Variants in NKAIN2 observed in about 807,000 individuals in gnomAD.
The protein encoded by NKAIN2 is sodium/potassium-transporting ATPase subunit beta-1-interacting protein 2.
Under a neutral mutation model 32.6 loss-of-function variants are expected in NKAIN2, and 14 were observed. That is an observed-to-expected ratio of 0.43 (90% CI 0.28 to 0.67). The LOEUF is 0.67. Among genes scored for constraint, NKAIN2 ranks in the 30% least tolerant of loss-of-function variants. NKAIN2 has a pLI of 0.17. For missense variants in NKAIN2, 198 were observed against 258.3 expected (o/e 0.77, Z 1.60); for synonymous variants, 80 against 87.2 (o/e 0.92, Z 0.46).
intron 4 of NKAIN2, among the ~76,000 whole-genome samples, chr6:124,760,744 T>A (rs546556612): frequency 1.1e-4 from 16 of 152,266 alleles, no homozygotes; most frequent in Admixed American, 2.6e-4. Context: ...CTTAGAAAGC[T>A]GTTTGAGGCT....
intron 1 of NKAIN2, among the ~76,000 whole-genome samples, chr6:123,904,422 T>C (rs1350932811): frequency 1.3e-5 from 2 of 152,204 alleles, no homozygotes; most frequent in Non-Finnish European, 2.9e-5. Context: ...CAGATGTCTA[T>C]CATCTTCCTG....
intron 4 of NKAIN2, among the ~76,000 whole-genome samples, chr6:124,659,361 A>G (rs1784659836): frequency 6.6e-6 from 1 of 152,136 alleles, no homozygotes; most frequent in South Asian, 2.1e-4. Context: ...AATAAATAAT[A>G]GTTTCTGGGT....
intron 1 of NKAIN2, among the ~76,000 whole-genome samples, chr6:124,265,969 A>G (rs1794476086): frequency 6.6e-6 from 1 of 152,216 alleles, no homozygotes; most frequent in South Asian, 2.1e-4. Context: ...AAAAATAAAC[A>G]AAACCCAAAA....
intron 1 of NKAIN2, among the ~76,000 whole-genome samples, chr6:123,950,117 C>G (rs538751294): frequency 2.0e-5 from 3 of 152,076 alleles, no homozygotes; most frequent in Admixed American, 1.3e-4. Context: ...GTAGAACCAT[C>G]CTTGCATCAC....
At chr6:124,324,039 C>T (rs1797316073) in intron 2 of NKAIN2, among the ~76,000 whole-genome samples, 1 of 152,112 alleles carries the variant, frequency 6.6e-6, no homozygotes, top group African/African-American at 2.4e-5. Context: ...GATCCACCCG[C>T]CTCAGCCTCC....
At chr6:124,082,273 T>C (rs1441395143) in intron 1 of NKAIN2, among the ~76,000 whole-genome samples, 1 of 152,116 alleles carries the variant, frequency 6.6e-6, no homozygotes, top group Non-Finnish European at 1.5e-5. Flanking sequence ...AAGTGTTATA[T>C]GAGTTATTTA....
At chr6:124,651,642 A>G (rs1360704880) in intron 3 of NKAIN2, among the ~76,000 whole-genome samples, 1 of 152,116 alleles carries the variant, frequency 6.6e-6, no homozygotes, top group African/African-American at 2.4e-5. Flanking sequence ...ACAAGGAGAC[A>G]AGCTTCTTGA....
intron 3 of NKAIN2, among the ~76,000 whole-genome samples, chr6:124,638,788 G>A (rs904417789): frequency 6.6e-6 from 1 of 150,772 alleles, no homozygotes; most frequent in Non-Finnish European, 1.5e-5. Context: ...CTACTCGGGA[G>A]GCTGGGGCAG....
chr6:124,312,720 T>C (rs546441095), intron 2 of NKAIN2, among the ~76,000 whole-genome samples: 28 of 152,198 alleles, frequency 1.8e-4, no homozygotes, highest in African/African-American at 6.7e-4. Flanking sequence ...CAATGAACAA[T>C]TATGCATAAA....
At chr6:124,362,954 C>T (rs900793874) in intron 3 of NKAIN2, among the ~76,000 whole-genome samples, 2 of 152,092 alleles carry the variant, frequency 1.3e-5, no homozygotes, top group African/African-American at 4.8e-5. Context: ...CCTGCCTCAG[C>T]CTCCCGAGTA....
At chr6:124,466,494 A>C (rs902448407) in intron 3 of NKAIN2, among the ~76,000 whole-genome samples, 4 of 152,058 alleles carry the variant, frequency 2.6e-5, no homozygotes, top group African/African-American at 7.2e-5. Flanking sequence ...TTGTTCTTTC[A>C]ATTTGGAATG....
rs183771472 is a variant in NKAIN2, at chr6:124,204,554, G to T, written c.55-78451G>T. ...AGACATAATTCTTTCTTTTATTTTT[G>T]ATTTATTTGGACGGTTAAGTGGTCA... On this transcript the variant is annotated intron_variant, in intron 1 of 6. Transcript: ENST00000368417. 1.8e-3 allele frequency among the ~76,000 whole-genome samples: 268 copies of T among 151,682 alleles called. 1 individual carries two copies. The highest frequency in any genetic ancestry group is 5.5e-3 in the African/African-American group (227 of 41,410).
At position 124,380,490 on chromosome 6, in the gene NKAIN2, G is replaced by T. The variant is rs78313824; in HGVS notation, c.273+25143G>T. On this transcript the variant is annotated intron_variant, in intron 3 of 6. Coordinates refer to ENST00000368417, the MANE Select transcript of NKAIN2 (RefSeq NM_001040214.3). ...TTTAAGAATTGAGTGTGCCATCCAG[G>T]ATCTGTCTCCTTCAACTGGCTGGAT... Among the ~76,000 whole-genome samples, 49 of 152,226 alleles carry T rather than the reference G, an allele frequency of 3.2e-4. 1 individual carries two copies. The East Asian group carries it at 9.1e-3, about 28-fold the overall frequency.
intron 4 of NKAIN2, among the ~76,000 whole-genome samples, chr6:124,779,817 A>G (rs1779178365): frequency 6.6e-6 from 1 of 152,208 alleles, no homozygotes; most frequent in Non-Finnish European, 1.5e-5. Context: ...TAGACTCATG[A>G]GTGAGCCCAA....
chr6:123,900,545 T>TG (rs1375657395), intron 1 of NKAIN2, among the ~76,000 whole-genome samples: 1 of 98,542 alleles, frequency 1.0e-5, no homozygotes, highest in East Asian at 2.4e-4. Context: ...TTTTTTTTTT[T>TG]TTTTTTTTTT....
At chr6:124,803,806 A>G (rs1339128755) in intron 5 of NKAIN2, among the ~76,000 whole-genome samples, 1 of 152,206 alleles carries the variant, frequency 6.6e-6, no homozygotes, top group Admixed American at 6.5e-5. Context: ...AATGCTAATT[A>G]TCTGAGTAAA....
chr6:124,500,643 G>C (rs1000618902), intron 3 of NKAIN2, among the ~76,000 whole-genome samples: 4 of 151,828 alleles, frequency 2.6e-5, no homozygotes, highest in African/African-American at 9.7e-5. Context: ...GACAGAGCAA[G>C]ACTCTGTCTC....
chr6:124,470,323 A>G (rs1776923118), intron 3 of NKAIN2, among the ~76,000 whole-genome samples: 1 of 152,068 alleles, frequency 6.6e-6, no homozygotes, highest in Non-Finnish European at 1.5e-5. Flanking sequence ...TTAACTCAAG[A>G]TAAATAATTC....
At chr6:124,715,903 G>A (rs1178078352) in intron 4 of NKAIN2, among the ~76,000 whole-genome samples, 2 of 152,180 alleles carry the variant, frequency 1.3e-5, no homozygotes, top group African/African-American at 2.4e-5. Context: ...GGAGGCACAG[G>A]TGAAATCACT....
Sources: gnomAD v4.1 joint callset for allele counts (sites outside exome capture counted in the v4.1 genomes callset) on GRCh38, gnomAD v4.1.1 for gene constraint, MANE v1.5 for transcripts, NCBI Gene and HGNC (gene_info 2026-07-23, HGNC 2026-07-21) for gene names.